The following C16orf95 variants were observed in gnomAD, a reference collection of about 807,000 sequenced individuals.
C16orf95 encodes chromosome 16 open reading frame 95.
In C16orf95, 41 loss-of-function variants were observed where a neutral mutation model predicts 32.1. That is an observed-to-expected ratio of 1.28 (90% CI 1.00 to 1.66). The LOEUF is 1.66. Ranked by LOEUF, C16orf95 falls within the 40% of genes most tolerant of loss-of-function variation. The pLI is 0.00. For missense variants in C16orf95, 399 were observed against 325.9 expected (o/e 1.22, Z -1.73); for synonymous variants, 147 against 128.9 (o/e 1.14, Z -0.95).
At chr16:87,306,109 C>A in intron 5 of C16orf95, 3 of 422,848 alleles carry the variant, frequency 7.1e-6, no homozygotes. Flanking sequence ...TAACGGCAGC[C>A]TTGGGGCTGT....
chr16:87,303,270 G>T, intron 6 of C16orf95, 195 bp from the exon 7 acceptor site: 1 of 585,202 alleles, frequency 1.7e-6, no homozygotes, highest in Non-Finnish European at 3.1e-6. Flanking sequence ...TCGCTTTCCA[G>T]CCGCAGGACT....
intron 1 of C16orf95, among the ~76,000 whole-genome samples, chr16:87,316,632 C>G (rs1470368140): frequency 6.6e-6 from 1 of 151,854 alleles, no homozygotes; most frequent in Non-Finnish European, 1.5e-5. Context: ...GACAGCACTG[C>G]TATATTCCTG....
chr16:87,311,471 C>T (rs1453325241), intron 3 of C16orf95, among the ~76,000 whole-genome samples, 175 bp from the exon 4 acceptor site: 3 of 152,242 alleles, frequency 2.0e-5, no homozygotes, highest in Non-Finnish European at 2.9e-5. Context: ...AGATATGGGA[C>T]TGTGGTCTAC....
chr16:87,311,269 G>T lies in C16orf95; in HGVS notation c.358C>A (p.Pro120Thr), dbSNP rs1256610802. The T allele has an allele frequency of 1.3e-6, 2 of 1,535,072 alleles. No homozygotes were observed. Among genetic ancestry groups the T allele is most frequent in the Non-Finnish European group, 8.7e-7 (1 of 1,146,244 alleles). ...QSQKTVQFPI[P>T]QTAKMCPCLC... Reference sequence around the variant, plus strand: ...CAGGGGCACATCTTGGCGGTTTGGGGGATAGGAAATTGAACCGTCTTTTGA... The same window carrying T: ...CAGGGGCACATCTTGGCGGTTTGGGTGATAGGAAATTGAACCGTCTTTTGA... The change falls in exon 4 of 7, where the codon CCC becomes ACC. Residue 120 changes from proline to threonine, a missense_variant. Pro to Thr is a conservative substitution (Grantham distance 38). Coordinates refer to ENST00000567970, the MANE Select transcript of C16orf95 (RefSeq NM_001195124.3).
At chr16:87,308,261 T>C (rs1182129569) in intron 5 of C16orf95, among the ~76,000 whole-genome samples, 2 of 151,988 alleles carry the variant, frequency 1.3e-5, no homozygotes, top group Non-Finnish European at 2.9e-5. Context: ...GGTGGGAGGA[T>C]CACGAGGTCA....
rs373702666 is a variant in C16orf95, at chr16:87,305,796, C to T, written c.624G>A (p.Pro208=). The part of the protein sequence containing the change: ...QLQAPYQDQL[P]APAARLLPLG... ...GGGGCAGCAGACGCGCTGCAGGAGCCGGTAGCTGGTCCTGGTAGGGGGCCT... is the reference window on the plus strand; with the variant it reads ...GGGGCAGCAGACGCGCTGCAGGAGCTGGTAGCTGGTCCTGGTAGGGGGCCT... The change falls in exon 6 of 7, where the codon CCG becomes CCA. Residue 208 remains proline, a synonymous_variant. Coordinates refer to ENST00000567970, the MANE Select transcript of C16orf95 (RefSeq NM_001195124.3). The surrounding 1 kb of genome is among the most constrained non-coding windows in gnomAD (Gnocchi z 4.2). 6.5e-5 allele frequency: 99 copies of T among 1,516,674 alleles called. 1 individual carries two copies. In the African/African-American group the frequency reaches 1.1e-3, roughly 18 times the overall value. 94.0% of individuals were successfully genotyped at this position (1,516,674 alleles called of 1,614,324 possible).
chr16:87,315,221 T>C, intron 2 of C16orf95, 125 bp from the exon 3 acceptor site: 1 of 998,242 alleles, frequency 1.0e-6, no homozygotes. Context: ...CCCCAGCTCC[T>C]ACTGCAGCTT....
In C16orf95 at chr16:87,305,370, C is replaced by T. The variant is rs1288029310; in HGVS notation, c.701+349G>A. Reference sequence around the variant, plus strand: ...AGCTCAGAGGCTGGAGGGTGAGTGGCTGTTAAGATGCACCGTCAACCCCAA... The same window carrying T: ...AGCTCAGAGGCTGGAGGGTGAGTGGTTGTTAAGATGCACCGTCAACCCCAA... On this transcript the variant is annotated intron_variant, in intron 6 of 6. Coordinates refer to ENST00000567970, the MANE Select transcript of C16orf95 (RefSeq NM_001195124.3). This position sits in a 1 kb window ranked among gnomAD's most constrained non-coding sequence, Gnocchi z 4.2. 1.3e-5 allele frequency among the ~76,000 whole-genome samples: 2 copies of T among 152,124 alleles called. No homozygotes were observed. Among genetic ancestry groups the T allele is most frequent in the East Asian group, 3.9e-4 (2 of 5,180 alleles).
rs1198665857 is a variant in C16orf95, at chr16:87,317,108, G to A, written c.135C>T (p.Pro45=). 3 of 1,528,586 alleles carry A rather than the reference G, an allele frequency of 2.0e-6. No individual in the cohort carries two copies. Among genetic ancestry groups the A allele is most frequent in the African/African-American group, 2.7e-5 (2 of 72,834 alleles). 94.7% of individuals were successfully genotyped at this position (1,528,586 alleles called of 1,614,324 possible). A position where few individuals can be genotyped will look rare whatever the true frequency, so the allele number is the denominator to read the frequency against. Residue 45 remains proline (P), a synonymous_variant, in exon 1 of 7, where the codon CCC becomes CCT. Coordinates refer to ENST00000567970, the MANE Select transcript of C16orf95 (RefSeq NM_001195124.3). ...TCACTTGCCTGCCATCCTGCGCGCT[G>A]GGTGTGAGTGCCAACCTGCAGAGCC... is the stretch of plus-strand genomic sequence containing the variant. ...CVGLCRLALT[P]SAQDGRNSTF... is the part of the protein sequence containing the mutation.
intron 2 of C16orf95, 90 bp from the exon 3 acceptor site, chr16:87,315,186 G>A: frequency 5.3e-6 from 7 of 1,332,592 alleles, no homozygotes; most frequent in Non-Finnish European, 7.0e-6. Flanking sequence ...TCCGTGCTCA[G>A]GAAGATGGTG....
chr16:87,304,388 G>A (rs1430287111), intron 6 of C16orf95, among the ~76,000 whole-genome samples: 4 of 151,374 alleles, frequency 2.6e-5, no homozygotes, highest in Non-Finnish European at 5.9e-5. Flanking sequence ...CCAGGTGTGG[G>A]CCACCATGCC....
intron 5 of C16orf95, among the ~76,000 whole-genome samples, chr16:87,309,691 T>C (rs1189434278): frequency 6.6e-6 from 1 of 152,116 alleles, no homozygotes; most frequent in African/African-American, 2.4e-5. Flanking sequence ...GCATATTATA[T>C]GCATTTTCCA....
intron 2 of C16orf95, among the ~76,000 whole-genome samples, chr16:87,315,396 G>C (rs557401164): frequency 1.6e-4 from 25 of 152,352 alleles, no homozygotes; most frequent in African/African-American, 6.0e-4. Context: ...TGTACAAGCA[G>C]CTCTAGAGCT....
rs1040882905 is a variant in C16orf95 at position 87,305,595 on chromosome 16, T to C, written c.701+124A>G. 3 of 806,974 alleles carry C rather than the reference T, an allele frequency of 3.7e-6. No individual in the cohort carries two copies. Among genetic ancestry groups the C allele is most frequent in the African/African-American group, 1.8e-5 (1 of 55,458 alleles). 50.0% of individuals were successfully genotyped at this position (806,974 alleles called of 1,614,324 possible). A position where few individuals can be genotyped will look rare whatever the true frequency, so the allele number is the denominator to read the frequency against. ...AGGACACACTCACAGTGCCGGGCCT[T>C]GGACGCCTGTCAAGTTAAGCCCCAC... On this transcript the variant is annotated intron_variant, in intron 6 of 6. Transcript: ENST00000567970. This position sits in a 1 kb window ranked among gnomAD's most constrained non-coding sequence, Gnocchi z 4.2.
At chr16:87,312,039 T>C (rs1051407096) in intron 3 of C16orf95, among the ~76,000 whole-genome samples, 2 of 152,214 alleles carry the variant, frequency 1.3e-5, no homozygotes, top group Non-Finnish European at 2.9e-5. Flanking sequence ...AAAAAGAATG[T>C]ACATGCAATC....
Position 87,305,793 on chromosome 16 carries a change from A to T in C16orf95, c.627T>A (p.Ala209=). Residue 209 remains alanine, a synonymous_variant, in exon 6 of 7, where the codon GCT becomes GCA. Coordinates refer to ENST00000567970, the MANE Select transcript of C16orf95 (RefSeq NM_001195124.3). This position sits in a 1 kb window ranked among gnomAD's most constrained non-coding sequence, Gnocchi z 4.2. ...CGAGGGGCAGCAGACGCGCTGCAGG[A>T]GCCGGTAGCTGGTCCTGGTAGGGGG... The part of the protein sequence containing the change: ...LQAPYQDQLP[A]PAARLLPLGL... 1 of 1,517,450 alleles carries T rather than the reference A, an allele frequency of 6.6e-7. No homozygotes were observed. The highest frequency in any genetic ancestry group is 8.8e-7 in the Non-Finnish European group (1 of 1,137,790). The allele number at this position is 1,517,450 out of a possible 1,614,324, so 94.0% of individuals were successfully genotyped here. A position where few individuals can be genotyped will look rare whatever the true frequency, so the allele number is the denominator to read the frequency against.
chr16:87,310,295 A>G lies in C16orf95; in HGVS notation c.514+2T>C, dbSNP rs866931445. The G allele has an allele frequency of 5.9e-6, 9 of 1,535,998 alleles. No homozygotes were observed. Among genetic ancestry groups the G allele is most frequent in the Non-Finnish European group, 7.8e-6 (9 of 1,146,914 alleles). On this transcript the variant is annotated splice_donor_variant, in intron 5 of 6. Coordinates refer to ENST00000567970, the MANE Select transcript of C16orf95 (RefSeq NM_001195124.3). LOFTEE classifies it high-confidence loss of function. The stretch of plus-strand genomic sequence containing the variant: ...TATGAGACACACACACACTGGAGTT[A>G]CCTTGGATGCCTTTCAAACTCTGCT...
chr16:87,313,528 G>A (rs1054722914), intron 3 of C16orf95, among the ~76,000 whole-genome samples: 1 of 152,140 alleles, frequency 6.6e-6, no homozygotes, highest in Non-Finnish European at 1.5e-5. Flanking sequence ...GAGTCCAGGT[G>A]TTTGAGACTA....
In C16orf95 at chr16:87,316,457, G is replaced by A. The variant is rs542329370; in HGVS notation, c.152+634C>T. ...TCAAAGTGCTTTGTATGTGGAAACC[G>A]TAAGAGCGATATAAGTGTTTTTGGG... On this transcript the variant is annotated intron_variant, in intron 1 of 6. Coordinates refer to ENST00000567970, the MANE Select transcript of C16orf95 (RefSeq NM_001195124.3). Among the ~76,000 whole-genome samples, 8 of 152,302 alleles carry A rather than the reference G, an allele frequency of 5.3e-5. No individual in the cohort carries two copies. In the East Asian group the frequency reaches 7.7e-4, roughly 15 times the overall value.
Sources: allele counts gnomAD v4.1 joint callset (sites outside exome capture counted in the v4.1 genomes callset), GRCh38; gene constraint gnomAD v4.1.1; non-coding constraint Gnocchi (gnomAD v3.1); transcripts MANE v1.5; gene names NCBI Gene and HGNC (gene_info 2026-07-23, HGNC 2026-07-21).